CDH9: variants seen among roughly 807,000 people sequenced by gnomAD.
The protein encoded by CDH9 is cadherin-9.
In CDH9, 28 loss-of-function variants were observed where a neutral mutation model predicts 70.9. The ratio of observed to expected loss-of-function variants is 0.40; its 90% CI spans 0.29 to 0.54. The LOEUF (loss-of-function observed/expected upper bound fraction) is 0.54, where lower values mean the gene tolerates loss of function less well. Among genes scored for constraint, CDH9 ranks in the 20% least tolerant of loss-of-function variants. The probability of loss-of-function intolerance (pLI) is 0.59; values close to 1 mark genes in which losing one functional copy is unlikely to be tolerated. For missense variants in CDH9, 874 were observed against 984.4 expected, an observed-to-expected ratio of 0.89 and a Z score of 1.50; for synonymous variants, 409 against 343.1, an observed-to-expected ratio of 1.19 and a Z score of -2.12.
chr5:26,988,840 C>T (rs1742533538), intron 1 of CDH9, among the ~76,000 whole-genome samples: 1 of 151,800 alleles, frequency 6.6e-6, no homozygotes, highest in Non-Finnish European at 1.5e-5. Context: ...TTCTCCTCTG[C>T]CCCCTATCTT....
intron 1 of CDH9, among the ~76,000 whole-genome samples, chr5:27,021,629 G>A (rs762319515): frequency 3.0e-4 from 46 of 151,716 alleles, no homozygotes; most frequent in African/African-American, 8.9e-4. Context: ...TTTATATAAC[G>A]TCAACAATAT....
intron 1 of CDH9, among the ~76,000 whole-genome samples, chr5:27,009,595 A>G (rs1742923248): frequency 6.6e-6 from 1 of 152,194 alleles, no homozygotes; most frequent in Middle Eastern, 3.4e-3. Flanking sequence ...ATTGGCCAGC[A>G]CCAAAGAAGG....
intron 11 of CDH9, among the ~76,000 whole-genome samples, chr5:26,884,955 T>A (rs1330801121): frequency 6.6e-6 from 1 of 152,146 alleles, no homozygotes; most frequent in African/African-American, 2.4e-5. Flanking sequence ...CACAGCGACA[T>A]AGTGATATTT....
chr5:26,949,087 T>C (rs1741801485), intron 2 of CDH9, among the ~76,000 whole-genome samples: 1 of 152,202 alleles, frequency 6.6e-6, no homozygotes, highest in Non-Finnish European at 1.5e-5. Flanking sequence ...CCAGTTCATA[T>C]TTCTAGGCTT....
chr5:26,903,560 G>A (rs1349286616), intron 6 of CDH9, 77 bp downstream of exon 6: 4 of 933,712 alleles, frequency 4.3e-6, no homozygotes, highest in Middle Eastern at 4.2e-4. Flanking sequence ...TAAATCCCAG[G>A]CTTTTTTTCC....
chr5:26,906,060 T>C lies in CDH9; in HGVS notation c.710A>G (p.Gln237Arg). ...CATCTGGCCACCCATGTCTTTGGCC[T>C]GTATAACAACCTGGTACTGCTCTCT... ...ENREQYQVVI[Q>R]AKDMGGQMGG... Residue 237 changes from glutamine (Q) to arginine (R), a missense_variant, in exon 5 of 12, where the codon CAG (glutamine) becomes CGG (arginine). Transcript: ENST00000231021. The C allele has an allele frequency of 6.2e-7, 1 of 1,613,516 alleles. No homozygotes were observed. The highest frequency in any genetic ancestry group is 8.5e-7 in the Non-Finnish European group (1 of 1,179,398).
intron 1 of CDH9, among the ~76,000 whole-genome samples, chr5:27,032,023 T>TAAC (rs879633448): frequency 3.0e-4 from 46 of 151,952 alleles, no homozygotes; most frequent in Admixed American, 7.9e-4. Flanking sequence ...AAACCAAGTT[T>TAAC]AACAAAGGTC....
At position 26,902,460 on chromosome 5, in the gene CDH9, T is replaced by G. The variant is rs747450456; in HGVS notation, c.1253+16A>C. The G allele has an allele frequency of 2.1e-5, 32 of 1,560,374 alleles. No individual in the cohort carries two copies. Among genetic ancestry groups the G allele is most frequent in the Non-Finnish European group, 2.7e-5 (31 of 1,139,192 alleles). ...TATATTTCTAAAAACATAATAAATG[T>G]TTTCAAAGTACTTACTTTATTAAAT... On this transcript the variant is annotated intron_variant, in intron 7 of 11. Coordinates refer to ENST00000231021, the MANE Select transcript of CDH9 (RefSeq NM_016279.4).
intron 2 of CDH9, among the ~76,000 whole-genome samples, chr5:26,970,817 A>G (rs1315775781): frequency 1.3e-5 from 2 of 152,094 alleles, no homozygotes; most frequent in Non-Finnish European, 2.9e-5. Flanking sequence ...ATAAATATAA[A>G]TAGACGATTT....
At chr5:26,999,479 C>T (rs1299320006) in intron 1 of CDH9, among the ~76,000 whole-genome samples, 2 of 152,078 alleles carry the variant, frequency 1.3e-5, no homozygotes, top group Non-Finnish European at 2.9e-5. Flanking sequence ...AATTTCCAAA[C>T]TTGCTATGTA....
At chr5:26,933,722 G>C (rs1249250217) in intron 2 of CDH9, among the ~76,000 whole-genome samples, 1 of 151,944 alleles carries the variant, frequency 6.6e-6, no homozygotes, top group African/African-American at 2.4e-5. Flanking sequence ...GGAGGTTGCA[G>C]TGAGCTGAGA....
chr5:26,947,890 C>T (rs1042870102), intron 2 of CDH9, among the ~76,000 whole-genome samples: 1 of 152,176 alleles, frequency 6.6e-6, no homozygotes, highest in African/African-American at 2.4e-5. Context: ...CTGGTTCACT[C>T]ATGGGATCTC....
intron 2 of CDH9, among the ~76,000 whole-genome samples, chr5:26,943,742 A>T (rs537442464): frequency 2.0e-4 from 30 of 152,290 alleles, no homozygotes; most frequent in African/African-American, 7.0e-4. Flanking sequence ...ATAACAGATG[A>T]TGCATGATAC....
chr5:26,937,963 G>A (rs980480461), intron 2 of CDH9, among the ~76,000 whole-genome samples: 14 of 151,996 alleles, frequency 9.2e-5, no homozygotes, highest in African/African-American at 3.1e-4. Context: ...AATGAACCCC[G>A]ATGGGAACTA....
At chr5:27,018,100 A>C (rs1743077244) in intron 1 of CDH9, among the ~76,000 whole-genome samples, 1 of 151,862 alleles carries the variant, frequency 6.6e-6, no homozygotes, top group South Asian at 2.1e-4. Context: ...TTACAAAAAA[A>C]AGGTTAAGAT....
rs181589976 is a variant in CDH9 at position 27,017,196 on chromosome 5, G to C, written c.-50+21267C>G. ...TCATAAGAGACACACATACTCTTCA[G>C]GTACATTGAGAATGAAGGAACAAAA... On this transcript the variant is annotated intron_variant, in intron 1 of 11. Coordinates refer to ENST00000231021, the MANE Select transcript of CDH9 (RefSeq NM_016279.4). 3.3e-5 allele frequency among the ~76,000 whole-genome samples: 5 copies of C among 151,868 alleles called. No homozygotes were observed. The East Asian group carries it at 7.8e-4, about 24-fold the overall frequency.
chr5:27,033,977 G>A (rs1743350725), intron 1 of CDH9, among the ~76,000 whole-genome samples: 1 of 151,396 alleles, frequency 6.6e-6, no homozygotes, highest in Admixed American at 6.6e-5. Flanking sequence ...ACAGCTTCCG[G>A]TGTATATGCT....
chr5:26,920,628 C>A (rs935040748), intron 2 of CDH9, among the ~76,000 whole-genome samples: 16 of 152,050 alleles, frequency 1.1e-4, no homozygotes, highest in African/African-American at 3.9e-4. Flanking sequence ...CAGCTGCAGG[C>A]AGCTCAGCGC....
intron 2 of CDH9, among the ~76,000 whole-genome samples, chr5:26,945,128 A>G (rs1371153690): frequency 6.6e-6 from 1 of 151,708 alleles, no homozygotes; most frequent in Non-Finnish European, 1.5e-5. Flanking sequence ...TTTAGCTAAT[A>G]TGGGGAGGAG....
Sources: gnomAD v4.1 joint callset for allele counts (sites outside exome capture counted in the v4.1 genomes callset) on GRCh38, gnomAD v4.1.1 for gene constraint, MANE v1.5 for transcripts, NCBI Gene and HGNC (gene_info 2026-07-23, HGNC 2026-07-21) for gene names.